KIF24: variants seen among roughly 807,000 people sequenced by gnomAD.
KIF24 encodes the protein kinesin-like protein KIF24.
Under a neutral mutation model 118.9 loss-of-function variants are expected in KIF24, and 81 were observed. That is an observed-to-expected ratio of 0.68 (90% CI 0.57 to 0.82). KIF24 has a LOEUF of 0.82. Ranked by LOEUF, KIF24 falls within the 40% of genes least tolerant of loss-of-function variation. The pLI, the probability that KIF24 is intolerant of heterozygous loss-of-function variation, is 0.00. For synonymous variants in KIF24, 599 were observed against 610.0 expected, an observed-to-expected ratio of 0.98 and a Z score of 0.27; for missense variants, 1,560 against 1,661.6, an observed-to-expected ratio of 0.94 and a Z score of 1.06.
rs1484771854 is a variant in KIF24 at position 34,252,461 on chromosome 9, ATAAT to A, written c.*1915_*1918del. Reference sequence around the variant, plus strand: ...AAGGATATACAGTCTTGAATCTAAAATAATTTGCTAACTAACTATTTTGATTCTT... The same window carrying A: ...AAGGATATACAGTCTTGAATCTAAAATTGCTAACTAACTATTTTGATTCTT... On this transcript the variant is annotated 3_prime_UTR_variant, in exon 13 of 13. Transcript: ENST00000402558. The A allele has an allele frequency of 7.6e-5, 6 of 78,792 alleles. No homozygotes were observed. The highest frequency in any genetic ancestry group is 1.8e-4 in the Non-Finnish European group (6 of 33,654). The allele number at this position is 78,792 out of a possible 1,614,324, so 4.9% of individuals were successfully genotyped here.
chr9:34,311,147 T>C lies in KIF24; in HGVS notation c.200A>G (p.Glu67Gly). The change falls in exon 2 of 13, where the codon GAA (glutamate) becomes GGA (glycine). Residue 67 changes from glutamate to glycine, a missense_variant. By Grantham distance (98) the Glu-to-Gly change is moderately conservative. Around this residue, in one of 3 missense-constraint regions of KIF24, gnomAD observed 964 missense variants for 988.0 expected, o/e 0.98. Coordinates refer to ENST00000402558, the MANE Select transcript of KIF24 (RefSeq NM_194313.4). ...LIKIIKIMQE[E>G]DKAVSIPERH... ...CTCTGGGATACTGACTGCTTTATCT[T>C]CTTCTTGCATAATCTTAATAATTTT... is the stretch of plus-strand genomic sequence containing the variant. 1 of 1,613,710 alleles carries C rather than the reference T, an allele frequency of 6.2e-7. No homozygotes were observed. The highest frequency in any genetic ancestry group is 1.1e-5 in the South Asian group (1 of 91,056).
At chr9:34,270,762 T>C (rs982789120) in intron 7 of KIF24, among the ~76,000 whole-genome samples, 1 of 151,144 alleles carries the variant, frequency 6.6e-6, no homozygotes, top group African/African-American at 2.4e-5. Flanking sequence ...GCCTACCACT[T>C]AATTTTTACC....
intron 8 of KIF24, among the ~76,000 whole-genome samples, chr9:34,267,197 T>C (rs1055969418): frequency 1.3e-5 from 2 of 152,130 alleles, no homozygotes; most frequent in African/African-American, 4.8e-5. Context: ...GATTCTTCAA[T>C]GGCTGATAAA....
intron 7 of KIF24, among the ~76,000 whole-genome samples, chr9:34,270,380 G>A (rs1215127785): frequency 6.6e-6 from 1 of 151,578 alleles, no homozygotes. Flanking sequence ...GCCAGGCGTG[G>A]TGGCGGGTGC....
At chr9:34,282,894 A>G (rs1391375272) in intron 6 of KIF24, among the ~76,000 whole-genome samples, 1 of 151,808 alleles carries the variant, frequency 6.6e-6, no homozygotes, top group Non-Finnish European at 1.5e-5. Flanking sequence ...TCTACTAAAA[A>G]TACAAAAATT....
chr9:34,333,644 CAAAAAAAAAAA>C (rs34830977), upstream of KIF24, among the ~76,000 whole-genome samples: 119 of 47,116 alleles, frequency 2.5e-3, no homozygotes, highest in African/African-American at 8.9e-3. Context: ...GAGACATTGT[CAAAAAAAAAAA>C]AAAAAAAAAA....
intron 7 of KIF24, among the ~76,000 whole-genome samples, chr9:34,270,271 C>T (rs905451852): frequency 6.6e-6 from 1 of 151,160 alleles, no homozygotes; most frequent in Non-Finnish European, 1.5e-5. Flanking sequence ...AATCCCAGCA[C>T]TTTGGGAGGC....
chr9:34,321,784 T>G (rs1365146421), intron 1 of KIF24, among the ~76,000 whole-genome samples: 1 of 151,966 alleles, frequency 6.6e-6, no homozygotes, highest in Non-Finnish European at 1.5e-5. Flanking sequence ...TTTTTTTATT[T>G]TTTGTAGAGA....
chr9:34,271,680 C>G (rs1425878773), intron 7 of KIF24, 129 bp downstream of exon 7: 7 of 917,822 alleles, frequency 7.6e-6, no homozygotes, highest in Non-Finnish European at 9.6e-6. Context: ...TCAGGGCTAA[C>G]AACTCTACTC....
In KIF24 at chr9:34,293,680, G is replaced by A. The variant is rs529164207; in HGVS notation, c.912-3291C>T. Among the ~76,000 whole-genome samples the A allele has an allele frequency of 2.6e-5, 4 of 152,188 alleles. No homozygotes were observed. The East Asian group carries it at 7.7e-4, about 29-fold the overall frequency. ...AGTCCCAGCTACTCGGGAGGCTGAG[G>A]CAGGAGAATGGCGTGAACCCAGGAG... On this transcript the variant is annotated intron_variant, in intron 4 of 12. Coordinates refer to ENST00000402558, the MANE Select transcript of KIF24 (RefSeq NM_194313.4).
At chr9:34,277,871 G>A (rs1251746037) in intron 6 of KIF24, among the ~76,000 whole-genome samples, 4 of 152,140 alleles carry the variant, frequency 2.6e-5, no homozygotes, top group African/African-American at 4.8e-5. Flanking sequence ...CAGTTAAAAC[G>A]GTGAAATCTG....
In KIF24 at chr9:34,262,986, C is replaced by G. The variant is rs1015376697; in HGVS notation, c.1515+115G>C. The G allele has an allele frequency of 1.3e-5, 10 of 745,710 alleles. No homozygotes were observed. The Admixed American group carries it at 1.5e-4, about 11-fold the overall frequency. The allele number at this position is 745,710 out of a possible 1,614,324, so 46.2% of individuals were successfully genotyped here. On this transcript the variant is annotated intron_variant, in intron 9 of 12. Coordinates refer to ENST00000402558, the MANE Select transcript of KIF24 (RefSeq NM_194313.4). Reference sequence around the variant, plus strand: ...CACTCCTCTCCTTCTCTTTTCCCCACTGTGCCCAGCATCATGTCTTACTGA... The same window carrying G: ...CACTCCTCTCCTTCTCTTTTCCCCAGTGTGCCCAGCATCATGTCTTACTGA...
In KIF24 at chr9:34,297,093, CT is replaced by C. The variant is rs1563953706; in HGVS notation, c.834del (p.Val279SerfsTer13). On this transcript the variant is annotated frameshift_variant, in exon 4 of 13. Transcript: ENST00000402558. LOFTEE classifies it high-confidence loss of function. ...YILQHVFYFDEVFGEACTNQD... is the reference protein window; with the variant it reads ...YILQHVFYFDXVFGEACTNQD... ...TGATTGGTGCACGCCTCACCAAAGA[CT>C]TCATCAAAATAAAAAACATGCTGAA... The C allele has an allele frequency of 5.7e-6, 9 of 1,580,160 alleles. No individual in the cohort carries two copies. The highest frequency in any genetic ancestry group is 7.8e-6 in the Non-Finnish European group (9 of 1,158,760).
chr9:34,328,213 TAG>T (rs1028568127), intron 1 of KIF24, among the ~76,000 whole-genome samples: 2 of 152,166 alleles, frequency 1.3e-5, no homozygotes, highest in Admixed American at 6.5e-5. Flanking sequence ...TGCACTTCAA[TAG>T]AGAGACTACA....
chr9:34,321,076 T>A (rs1432584838), intron 1 of KIF24, among the ~76,000 whole-genome samples: 1 of 152,152 alleles, frequency 6.6e-6, no homozygotes, highest in Non-Finnish European at 1.5e-5. Flanking sequence ...AAAGCACTGG[T>A]ATAACACATC....
chr9:34,327,846 A>AATAT (rs1554668269), intron 1 of KIF24, among the ~76,000 whole-genome samples: 1 of 149,592 alleles, frequency 6.7e-6, no homozygotes, highest in African/African-American at 2.4e-5. Context: ...AATAAAAAAA[A>AATAT]AATAATAATA....
At chr9:34,291,642 T>C (rs1836259485) in intron 4 of KIF24, among the ~76,000 whole-genome samples, 2 of 152,306 alleles carry the variant, frequency 1.3e-5, no homozygotes, top group Admixed American at 6.5e-5. Context: ...AATCACAGTA[T>C]GTTTTACGAG....
In KIF24 at chr9:34,263,970, C is replaced by T. The variant is rs577837280; in HGVS notation, c.1444-798G>A. ...ATGGCTGTACTCCCTCAGTGAGAAG[C>T]GCTCATTGGACATGATAAGGACAGC... On this transcript the variant is annotated intron_variant, in intron 8 of 12. Coordinates refer to ENST00000402558, the MANE Select transcript of KIF24 (RefSeq NM_194313.4). Among the ~76,000 whole-genome samples, 11 of 152,010 alleles carry T rather than the reference C, an allele frequency of 7.2e-5. No individual in the cohort carries two copies. The South Asian group carries it at 8.3e-4, about 11-fold the overall frequency.
At chr9:34,323,816 A>G (rs1837593788) in intron 1 of KIF24, among the ~76,000 whole-genome samples, 1 of 152,254 alleles carries the variant, frequency 6.6e-6, no homozygotes, top group Admixed American at 6.5e-5. Flanking sequence ...ACATGTAATT[A>G]ATTGTGCTAC....
Sources: gnomAD v4.1 joint callset for allele counts (sites outside exome capture counted in the v4.1 genomes callset) on GRCh38, gnomAD v4.1.1 for gene constraint, gnomAD v4.1.1 regional missense constraint, MANE v1.5 for transcripts, NCBI Gene and HGNC (gene_info 2026-07-23, HGNC 2026-07-21) for gene names.